The following NME9 variants were observed in gnomAD, a reference collection of about 807,000 sequenced individuals.
The protein encoded by NME9 is NME/NM23 family member 9.
A neutral mutation model predicts 44.4 loss-of-function variants in NME9; 48 were observed. That is an observed-to-expected ratio of 1.08 (90% CI 0.86 to 1.37). NME9 has a LOEUF of 1.37. NME9 is among the 40% of genes most tolerant of loss of function. NME9 has a pLI of 0.00. For missense variants in NME9, 325 were observed against 405.2 expected, an observed-to-expected ratio of 0.80 and a Z score of 1.70; for synonymous variants, 139 against 147.1, an observed-to-expected ratio of 0.94 and a Z score of 0.40.
At chr3:138,311,120 C>A (rs575513229) in intron 6 of NME9, among the ~76,000 whole-genome samples, 1 of 152,112 alleles carries the variant, frequency 6.6e-6, no homozygotes, top group Non-Finnish European at 1.5e-5. Flanking sequence ...AACAACTATA[C>A]ACCAACAAAT....
At chr3:138,277,880 CTA>C in intron 8 of NME9, among the ~76,000 whole-genome samples, 1 of 152,252 alleles carries the variant, frequency 6.6e-6, no homozygotes, top group Non-Finnish European at 1.5e-5. Flanking sequence ...CCTCAACAAA[CTA>C]TGGTGCATTC....
chr3:138,264,221 A>G, intron 8 of NME9: 1 of 1,612,788 alleles, frequency 6.2e-7, no homozygotes, highest in South Asian at 1.1e-5. Flanking sequence ...AGGTAAGAAG[A>G]AAGGGTCAGC....
chr3:138,271,533 C>A (rs907083141), intron 8 of NME9, among the ~76,000 whole-genome samples: 2 of 152,182 alleles, frequency 1.3e-5, no homozygotes, highest in Non-Finnish European at 2.9e-5. Flanking sequence ...GAACTCATTT[C>A]ACTCCTCAAA....
intron 3 of NME9, among the ~76,000 whole-genome samples, chr3:138,318,473 G>A (rs1171232684): frequency 6.6e-6 from 1 of 151,950 alleles, no homozygotes; most frequent in African/African-American, 2.4e-5. Context: ...GTCCAAGGGA[G>A]CGTTACTGGC....
intron 8 of NME9, among the ~76,000 whole-genome samples, chr3:138,283,372 A>G (rs1367195250): frequency 1.3e-5 from 2 of 152,246 alleles, no homozygotes; most frequent in Non-Finnish European, 2.9e-5. Context: ...CCTTTGAGGT[A>G]TTCCTGACTG....
chr3:138,301,147 G>A lies in NME9; in HGVS notation c.*493C>T, dbSNP rs987961621. 64 of 955,000 alleles carry A rather than the reference G, an allele frequency of 6.7e-5. No individual in the cohort carries two copies. The highest frequency in any genetic ancestry group is 7.5e-5 in the Non-Finnish European group (60 of 802,742). 59.2% of individuals were successfully genotyped at this position (955,000 alleles called of 1,614,324 possible). A position where few individuals can be genotyped will look rare whatever the true frequency, so the allele number is the denominator to read the frequency against. On this transcript the variant is annotated 3_prime_UTR_variant, in exon 11 of 11. Coordinates refer to ENST00000333911, the MANE Select transcript of NME9 (RefSeq NM_001349018.2). ...CCCAAAGACAGAGAAAAAAAACTGCGTTCTACATACTGTTTAATAAGGCAG... is the reference window on the plus strand; with the variant it reads ...CCCAAAGACAGAGAAAAAAAACTGCATTCTACATACTGTTTAATAAGGCAG...
chr3:138,324,693 T>TAC (rs55961241), intron 2 of NME9, 180 bp downstream of exon 2: 8,269 of 534,166 alleles, frequency 0.015, 276 homozygotes, highest in African/African-American at 0.11. Context: ...TCAAGCCAGA[T>TAC]ACACACACAC....
chr3:138,318,952 C>A (rs935949404), intron 3 of NME9, among the ~76,000 whole-genome samples: 37 of 152,254 alleles, frequency 2.4e-4, no homozygotes, highest in African/African-American at 8.2e-4. Context: ...AATCCCAACA[C>A]TTTGGGACGC....
rs763548696 is a variant in NME9, at chr3:138,324,936, G to T, written c.34-6C>A. 1.9e-6 allele frequency: 3 copies of T among 1,612,766 alleles called. No individual in the cohort carries two copies. Among genetic ancestry groups the T allele is most frequent in the Non-Finnish European group, 1.7e-6 (2 of 1,178,944 alleles). ...TCTTGGGTGCTGATGTTGACCTAAA[G>T]CCAAAGAGGATCAAATGCCGTATTA... On this transcript the variant is annotated splice_region_variant and splice_polypyrimidine_tract_variant and intron_variant, in intron 1 of 10. Coordinates refer to ENST00000333911, the MANE Select transcript of NME9 (RefSeq NM_001349018.2).
intron 8 of NME9, among the ~76,000 whole-genome samples, chr3:138,289,678 G>C (rs2050759064): frequency 6.6e-6 from 1 of 152,088 alleles, no homozygotes; most frequent in Non-Finnish European, 1.5e-5. Context: ...CTCGGGGTGG[G>C]CTCCAGGCAT....
At chr3:138,273,151 G>T in intron 8 of NME9, 1 of 1,591,654 alleles carries the variant, frequency 6.3e-7, no homozygotes. Context: ...AAATTAGCTA[G>T]CCCTGCATAT....
intron 7 of NME9, 84 bp from the exon 8 acceptor site, chr3:138,306,180 A>T: frequency 9.3e-7 from 1 of 1,073,946 alleles, no homozygotes; most frequent in African/African-American, 1.6e-5. Context: ...AAGGTAAAAA[A>T]TAAAGACAGG....
intron 8 of NME9, 120 bp from the exon 9 acceptor site, chr3:138,305,147 A>T (rs2052151249): frequency 1.1e-6 from 1 of 930,716 alleles, no homozygotes; most frequent in Non-Finnish European, 1.6e-6. Flanking sequence ...GCTACCAGCC[A>T]GCATGCCCGT....
intron 8 of NME9, chr3:138,288,905 G>A (rs2050682051): frequency 1.6e-6 from 1 of 616,192 alleles, no homozygotes; most frequent in Non-Finnish European, 2.9e-6. Flanking sequence ...CCAAAGTGCT[G>A]GGATTACAGG....
intron 8 of NME9, among the ~76,000 whole-genome samples, chr3:138,279,038 T>C (rs1234118269): frequency 6.6e-6 from 1 of 152,228 alleles, no homozygotes; most frequent in Non-Finnish European, 1.5e-5. Flanking sequence ...TGTTTCATTG[T>C]CTAGCTAGAA....
At position 138,329,561 on chromosome 3, in the gene NME9, G is replaced by T; in HGVS notation, c.-226C>A. Reference sequence around the variant, plus strand: ...AGCGGAGCCTGCAGTCCACGGGCTCGTGGCTCGCCGGGCGGTTTTCTGGGG... The same window carrying T: ...AGCGGAGCCTGCAGTCCACGGGCTCTTGGCTCGCCGGGCGGTTTTCTGGGG... On this transcript the variant is annotated 5_prime_UTR_variant, in exon 1 of 11. Coordinates refer to ENST00000333911, the MANE Select transcript of NME9 (RefSeq NM_001349018.2). The T allele has an allele frequency of 3.0e-6, 4 of 1,319,988 alleles. No homozygotes were observed. Among genetic ancestry groups the T allele is most frequent in the Non-Finnish European group, 3.9e-6 (4 of 1,037,484 alleles). The allele number at this position is 1,319,988 out of a possible 1,614,324, so 81.8% of individuals were successfully genotyped here.
chr3:138,284,653 C>G, intron 8 of NME9: 1 of 682,396 alleles, frequency 1.5e-6, no homozygotes, highest in Non-Finnish European at 2.5e-6. Context: ...TCCTCAGATT[C>G]AAAGAACTCT....
At chr3:138,283,578 A>T (rs1467758898) in intron 8 of NME9, among the ~76,000 whole-genome samples, 1 of 152,208 alleles carries the variant, frequency 6.6e-6, no homozygotes. Context: ...CAGAGGGCAT[A>T]CCCATAATAG....
chr3:138,293,657 C>A (rs985622585), intron 8 of NME9, among the ~76,000 whole-genome samples: 1 of 152,198 alleles, frequency 6.6e-6, no homozygotes, highest in African/African-American at 2.4e-5. Context: ...GAGCTTGTAC[C>A]TTGAGGACTG....
Sources: allele counts gnomAD v4.1 joint callset (sites outside exome capture counted in the v4.1 genomes callset), GRCh38; gene constraint gnomAD v4.1.1; transcripts MANE v1.5; gene names NCBI Gene and HGNC (gene_info 2026-07-23, HGNC 2026-07-21).